SEC13: variants seen among roughly 807,000 people sequenced by gnomAD.
SEC13 encodes protein SEC13 homolog.
Under a neutral mutation model 49.2 loss-of-function variants are expected in SEC13, and 25 were observed. The ratio of observed to expected loss-of-function variants is 0.51; its 90% CI spans 0.37 to 0.71. The LOEUF is 0.71. SEC13 is among the 30% of genes least tolerant of loss of function. The pLI is 0.00. For missense variants in SEC13, 383 were observed against 417.6 expected (o/e 0.92, Z 0.72); for synonymous variants, 148 against 163.9 (o/e 0.90, Z 0.74).
At chr3:10,318,802 C>CA (rs2059709312) in intron 1 of SEC13, among the ~76,000 whole-genome samples, 1 of 152,194 alleles carries the variant, frequency 6.6e-6, no homozygotes, top group Non-Finnish European at 1.5e-5. Context: ...AAGGGCCATC[C>CA]ATCACCTTTC....
rs1315936892 is a variant in SEC13 at position 10,321,084 on chromosome 3, C to T, written c.-32G>A. 5 of 1,612,432 alleles carry T rather than the reference C, an allele frequency of 3.1e-6. No individual in the cohort carries two copies. The highest frequency in any genetic ancestry group is 1.1e-5 in the South Asian group (1 of 90,744). ...GGCGGTGGCTGCTCCAGGTCTCGGACGTGGCAGCTCCCGGCGGCGCCTCGG... is the reference window on the plus strand; with the variant it reads ...GGCGGTGGCTGCTCCAGGTCTCGGATGTGGCAGCTCCCGGCGGCGCCTCGG... On this transcript the variant is annotated 5_prime_UTR_variant, in exon 1 of 9. Coordinates refer to ENST00000350697, the MANE Select transcript of SEC13 (RefSeq NM_183352.3). This position sits in a 1 kb window ranked among gnomAD's most constrained non-coding sequence, Gnocchi z 4.1.
chr3:10,319,052 TTC>T, intron 1 of SEC13: 1 of 1,222,988 alleles, frequency 8.2e-7, no homozygotes, highest in South Asian at 1.5e-5. Flanking sequence ...GTTATTTTTT[TTC>T]TTTGCTCAAC....
At position 10,304,098 on chromosome 3, in the gene SEC13, G is replaced by C. The variant is rs372438484; in HGVS notation, c.783C>G (p.Phe261Leu). Residue 261 changes from phenylalanine to leucine, a missense_variant, in exon 8 of 9, where the codon TTC (phenylalanine) becomes TTG (leucine). By Grantham distance (22) the Phe-to-Leu change is conservative (BLOSUM62 0). Coordinates refer to ENST00000350697, the MANE Select transcript of SEC13 (RefSeq NM_183352.3). ...NTWSPKLLHKFNDVVWHVSWS... is the reference protein window; with the variant it reads ...NTWSPKLLHKLNDVVWHVSWS... The stretch of plus-strand genomic sequence containing the variant: ...AGCTCACATGCCACACCACATCGTT[G>C]AACTTGTGCAACAATTTAGGGGACC... The C allele has an allele frequency of 6.2e-7, 1 of 1,614,018 alleles. No homozygotes were observed. Among genetic ancestry groups the C allele is most frequent in the Non-Finnish European group, 8.5e-7 (1 of 1,180,010 alleles).
chr3:10,315,280 C>A (rs1269701722), intron 3 of SEC13, 41 bp downstream of exon 3: 1 of 1,446,338 alleles, frequency 6.9e-7, no homozygotes, highest in Non-Finnish European at 9.7e-7. Flanking sequence ...TGAGAACCCA[C>A]ACCATTCCTG....
intron 5 of SEC13, among the ~76,000 whole-genome samples, chr3:10,308,789 G>A (rs183249831): frequency 0.016 from 1,675 of 104,654 alleles, 16 homozygotes; most frequent in Middle Eastern, 0.057. Context: ...ATGCTGAGTT[G>A]AATTTTTTTT....
chr3:10,320,958 C>G (rs2059766377), intron 1 of SEC13, 92 bp downstream of exon 1: 1 of 1,579,528 alleles, frequency 6.3e-7, no homozygotes, highest in South Asian at 1.2e-5. Context: ...ACGGCTCCAG[C>G]TTGGGATTTG....
intron 5 of SEC13, among the ~76,000 whole-genome samples, chr3:10,309,031 G>T (rs1393091321): frequency 1.4e-5 from 2 of 147,922 alleles, no homozygotes; most frequent in African/African-American, 5.0e-5. Flanking sequence ...TCTGACTCCC[G>T]GGTTCAAGCA....
chr3:10,305,643 A>G lies in SEC13; in HGVS notation c.500T>C (p.Leu167Pro). The change falls in exon 6 of 9, where the codon CTC becomes CCC. Residue 167 changes from leucine to proline, a missense_variant. Coordinates refer to ENST00000350697, the MANE Select transcript of SEC13 (RefSeq NM_183352.3). ...SWAPAVVPGS[L>P]IDHPSGQKPN... is the part of the protein sequence containing the mutation. ...TTTCTGCCCCGATGGGTGGTCTATG[A>G]GGCTTCCAGGTACAACAGCAGGGGC... 1 of 1,614,190 alleles carries G rather than the reference A, an allele frequency of 6.2e-7. No homozygotes were observed. Among genetic ancestry groups the G allele is most frequent in the East Asian group, 2.2e-5 (1 of 44,880 alleles).
chr3:10,301,028 G>A lies in SEC13; in HGVS notation c.*233C>T. ...CATAAAAATGACCCAAAATAGATTT[G>A]AACATCACTTGTAGTTTCTTCCTCG... On this transcript the variant is annotated 3_prime_UTR_variant, in exon 9 of 9. Coordinates refer to ENST00000350697, the MANE Select transcript of SEC13 (RefSeq NM_183352.3). The A allele has an allele frequency of 6.5e-7, 1 of 1,542,196 alleles. No individual in the cohort carries two copies. Among genetic ancestry groups the A allele is most frequent in the Non-Finnish European group, 8.9e-7 (1 of 1,127,070 alleles).
chr3:10,312,202 T>G, intron 4 of SEC13, 104 bp from the exon 5 acceptor site: 1 of 1,456,320 alleles, frequency 6.9e-7, no homozygotes, highest in Non-Finnish European at 9.0e-7. Context: ...AACAAACAAC[T>G]GTAGGAGTCA....
At chr3:10,320,880 C>G in intron 1 of SEC13, 170 bp downstream of exon 1, 5 of 1,424,798 alleles carry the variant, frequency 3.5e-6, no homozygotes, top group Non-Finnish European at 4.6e-6. Flanking sequence ...CCTCTGGACT[C>G]CCCTCGGAAT....
rs1463042035 is a variant in SEC13 at position 10,315,450 on chromosome 3, A to G, written c.49-14T>C. On this transcript the variant is annotated splice_polypyrimidine_tract_variant and intron_variant, in intron 2 of 8. Coordinates refer to ENST00000350697, the MANE Select transcript of SEC13 (RefSeq NM_183352.3). ...CTGGGCGTCGTGCTGCAAAGGGAGG[A>G]CAGCTCGGGAAGCCTGCAGGCTGGG... 1.0e-6 allele frequency: 1 copy of G among 969,406 alleles called. No homozygotes were observed. The highest frequency in any genetic ancestry group is 1.4e-6 in the Non-Finnish European group (1 of 695,836). The allele number at this position is 969,406 out of a possible 1,614,324, so 60.1% of individuals were successfully genotyped here. A position where few individuals can be genotyped will look rare whatever the true frequency, so the allele number is the denominator to read the frequency against.
intron 5 of SEC13, among the ~76,000 whole-genome samples, chr3:10,306,466 CCT>C (rs748932142): frequency 5.3e-5 from 8 of 152,186 alleles, no homozygotes; most frequent in Non-Finnish European, 8.8e-5. Flanking sequence ...ATAACTCAGG[CCT>C]CTCTTAATTC....
intron 5 of SEC13, among the ~76,000 whole-genome samples, chr3:10,309,317 T>A (rs1166206691): frequency 6.6e-6 from 1 of 152,194 alleles, no homozygotes; most frequent in African/African-American, 2.4e-5. Flanking sequence ...GTTTTCTGGA[T>A]TACTTTTTGG....
intron 6 of SEC13, 148 bp from the exon 7 acceptor site, chr3:10,305,304 C>T: frequency 8.0e-7 from 1 of 1,248,920 alleles, no homozygotes; most frequent in East Asian, 2.6e-5. Context: ...TTCCCTTCAC[C>T]CCAGCTGTAA....
At chr3:10,302,880 A>G (rs760652092) in intron 8 of SEC13, among the ~76,000 whole-genome samples, 1 of 152,256 alleles carries the variant, frequency 6.6e-6, no homozygotes, top group African/African-American at 2.4e-5. Context: ...ATTCTGACAC[A>G]TGCTACGTAC....
rs779540707 is a variant in SEC13, at chr3:10,312,636, T to C, written c.259A>G (p.Arg87Gly). The change falls in exon 4 of 9, where the codon AGA becomes GGA. Residue 87 changes from arginine (R) to glycine (G), a missense_variant. Coordinates refer to ENST00000350697, the MANE Select transcript of SEC13 (RefSeq NM_183352.3). Reference protein sequence around the residue: ...CSYDRKVIIWREENGTWEKSH... With the variant: ...CSYDRKVIIWGEENGTWEKSH... The stretch of plus-strand genomic sequence containing the variant: ...TTCTCCCAGGTGCCGTTTTCCTCTC[T>C]CCAGATAATGACTTTCCGGTCATAG... The C allele has an allele frequency of 1.2e-6, 2 of 1,614,166 alleles. No homozygotes were observed. Among genetic ancestry groups the C allele is most frequent in the Non-Finnish European group, 1.7e-6 (2 of 1,180,030 alleles).
At chr3:10,309,681 G>C (rs562975976) in intron 5 of SEC13, among the ~76,000 whole-genome samples, 5 of 152,282 alleles carry the variant, frequency 3.3e-5, no homozygotes, top group Middle Eastern at 6.8e-3. Context: ...CGGTTATGTG[G>C]GCATGTCTTT....
intron 3 of SEC13, chr3:10,313,390 C>T (rs767051571): frequency 1.9e-5 from 10 of 527,762 alleles, no homozygotes; most frequent in Non-Finnish European, 3.9e-5. Context: ...ACCCATTCTC[C>T]CATTCACTAG....
Sources: allele counts gnomAD v4.1 joint callset (sites outside exome capture counted in the v4.1 genomes callset), GRCh38; gene constraint gnomAD v4.1.1; non-coding constraint Gnocchi (gnomAD v3.1); transcripts MANE v1.5; gene names NCBI Gene and HGNC (gene_info 2026-07-23, HGNC 2026-07-21).